The following SFI1 variants were observed in gnomAD, a reference collection of about 807,000 sequenced individuals.
The protein encoded by SFI1 is SFI1 centrin binding protein.
A neutral mutation model predicts 207.5 loss-of-function variants in SFI1; 195 were observed. That is an observed-to-expected ratio of 0.94 (90% CI 0.84 to 1.06). The LOEUF (loss-of-function observed/expected upper bound fraction) is 1.06, where lower values mean the gene tolerates loss of function less well. SFI1 is among the 50% of genes least tolerant of loss of function. The pLI is 0.00. For missense variants in SFI1, 1,634 were observed against 1,588.0 expected (o/e 1.03, Z -0.49); for synonymous variants, 630 against 598.9 (o/e 1.05, Z -0.76).
intron 4 of SFI1, among the ~76,000 whole-genome samples, chr22:31,537,856 C>G (rs1216338948): frequency 6.6e-6 from 1 of 152,056 alleles, no homozygotes; most frequent in Non-Finnish European, 1.5e-5. Flanking sequence ...TAGGCTTTTT[C>G]CATACTGAGT....
intron 2 of SFI1, among the ~76,000 whole-genome samples, chr22:31,517,798 T>C (rs1221831722): frequency 1.3e-5 from 2 of 152,186 alleles, no homozygotes; most frequent in African/African-American, 4.8e-5. Context: ...CTTCGGTCAA[T>C]TTGTTTCTGC....
intron 7 of SFI1, among the ~76,000 whole-genome samples, chr22:31,557,587 G>T (rs2061293573): frequency 6.6e-6 from 1 of 152,154 alleles, no homozygotes; most frequent in Admixed American, 6.6e-5. Context: ...TAATTAACAT[G>T]AATTGAGTGC....
intron 19 of SFI1, 104 bp downstream of exon 19, chr22:31,604,508 C>A: frequency 9.8e-7 from 1 of 1,016,986 alleles, no homozygotes; most frequent in Non-Finnish European, 1.4e-6. Context: ...AGAACAGAGT[C>A]ACGTGACACA....
intron 14 of SFI1, among the ~76,000 whole-genome samples, chr22:31,585,977 GAATCTTTAGATTCACCTGTT>G (rs2146291086): frequency 6.6e-6 from 1 of 152,112 alleles, no homozygotes; most frequent in Admixed American, 6.6e-5. Context: ...TCTAACAGGT[GAATCTTTAGATTCACCTGTT>G]AGCTAGTTCC....
intron 15 of SFI1, among the ~76,000 whole-genome samples, chr22:31,590,064 A>G (rs2065633524): frequency 1.3e-5 from 2 of 151,870 alleles, no homozygotes; most frequent in South Asian, 4.2e-4. Context: ...GGAGAAGATG[A>G]GATGAGATCT....
intron 2 of SFI1, among the ~76,000 whole-genome samples, chr22:31,518,447 A>G (rs1183185648): frequency 6.6e-6 from 1 of 152,302 alleles, no homozygotes; most frequent in African/African-American, 2.4e-5. Flanking sequence ...AAAATAGTAT[A>G]TAAATATATA....
chr22:31,506,245 C>T (rs2054617312), intron 1 of SFI1, among the ~76,000 whole-genome samples: 2 of 151,860 alleles, frequency 1.3e-5, no homozygotes, highest in Non-Finnish European at 2.9e-5. Flanking sequence ...ATGGAGTTTT[C>T]CCATGTTGGG....
At chr22:31,565,084 A>C (rs1372652397) in intron 8 of SFI1, among the ~76,000 whole-genome samples, 1 of 151,294 alleles carries the variant, frequency 6.6e-6, no homozygotes, top group Non-Finnish European at 1.5e-5. Flanking sequence ...TGGCTTCCCA[A>C]AGTGCTGGGA....
At position 31,613,452 on chromosome 22, in the gene SFI1, G is replaced by T. The variant is rs762435636; in HGVS notation, c.2664G>T (p.Glu888Asp). 2.5e-6 allele frequency: 4 copies of T among 1,606,832 alleles called. No individual in the cohort carries two copies. In the African/African-American group the frequency reaches 5.3e-5, roughly 21 times the overall value. Residue 888 changes from glutamate (E) to aspartate (D), a missense_variant, in exon 26 of 33, where the codon GAG (glutamate) becomes GAT (aspartate). Glu to Asp is a conservative substitution (Grantham distance 45). Transcript: ENST00000400288. ...CCTACCAGGGGCAGCTCCTCCAGGA[G>T]GGTGCCACGCGGCTCCTGCGCTTTG... is the stretch of plus-strand genomic sequence containing the variant. ...LQAYQGQLLQ[E>D]GATRLLRFAA...
intron 6 of SFI1, among the ~76,000 whole-genome samples, chr22:31,555,956 A>T (rs763551971): frequency 2.6e-5 from 4 of 152,140 alleles, no homozygotes; most frequent in Non-Finnish European, 5.9e-5. Context: ...ATATAATTTT[A>T]TTTTCTCCTT....
At chr22:31,600,249 A>T (rs1302007144) in intron 15 of SFI1, among the ~76,000 whole-genome samples, 1 of 152,214 alleles carries the variant, frequency 6.6e-6, no homozygotes, top group Non-Finnish European at 1.5e-5. Context: ...AGAAGAAAAA[A>T]ATTCAGCCTC....
At chr22:31,527,842 AG>A (rs906944974) in intron 2 of SFI1, among the ~76,000 whole-genome samples, 66 of 152,148 alleles carry the variant, frequency 4.3e-4, no homozygotes, top group Admixed American at 1.3e-3. Flanking sequence ...GGCCGGGAAC[AG>A]TGGCTCAAGC....
chr22:31,584,629 T>C (rs111443960), intron 13 of SFI1, among the ~76,000 whole-genome samples: 8 of 152,182 alleles, frequency 5.3e-5, no homozygotes, highest in Admixed American at 4.6e-4. Context: ...AAGCATTTTT[T>C]AATGAGTTAG....
intron 12 of SFI1, among the ~76,000 whole-genome samples, chr22:31,582,236 A>ATATATGTT (rs1487021004): frequency 9.9e-5 from 1 of 10,140 alleles, no homozygotes; most frequent in African/African-American, 3.5e-4. Flanking sequence ...ATATATATAT[A>ATATATGTT]TTTTTTTTTT....
chr22:31,618,491 T>A lies in SFI1; in HGVS notation c.*73T>A. 7.4e-7 allele frequency: 1 copy of A among 1,348,204 alleles called. No homozygotes were observed. The highest frequency in any genetic ancestry group is 9.7e-7 in the Non-Finnish European group (1 of 1,030,216). 83.5% of individuals were successfully genotyped at this position (1,348,204 alleles called of 1,614,324 possible). A position where few individuals can be genotyped will look rare whatever the true frequency, so the allele number is the denominator to read the frequency against. On this transcript the variant is annotated 3_prime_UTR_variant, in exon 33 of 33. Transcript: ENST00000400288. Reference sequence around the variant, plus strand: ...GGCCACCTCCAGGAACAGAACACAGTTTTAAGTTTGATTTTTTTTATTTCA... The same window carrying A: ...GGCCACCTCCAGGAACAGAACACAGATTTAAGTTTGATTTTTTTTATTTCA...
intron 12 of SFI1, among the ~76,000 whole-genome samples, chr22:31,582,310 A>G (rs2064430783): frequency 8.0e-6 from 1 of 125,288 alleles, no homozygotes; most frequent in Non-Finnish European, 1.6e-5. Flanking sequence ...TGCAGTAAGT[A>G]GCTTGATCTC....
chr22:31,554,623 CAGATGG>C (rs2060986177), intron 6 of SFI1, among the ~76,000 whole-genome samples: 1 of 111,318 alleles, frequency 9.0e-6, no homozygotes, highest in Non-Finnish European at 1.8e-5. Flanking sequence ...TTTTTTTTTT[CAGATGG>C]AGCCTCACTT....
intron 15 of SFI1, among the ~76,000 whole-genome samples, chr22:31,594,016 G>GGC (rs1233744961): frequency 2.0e-5 from 3 of 147,440 alleles, no homozygotes; most frequent in Non-Finnish European, 3.0e-5. Context: ...CAGGGAGAGG[G>GGC]AGAGGGAGAG....
At chr22:31,542,560 G>A (rs904990870) in intron 4 of SFI1, among the ~76,000 whole-genome samples, 3 of 152,040 alleles carry the variant, frequency 2.0e-5, no homozygotes, top group Non-Finnish European at 4.4e-5. Flanking sequence ...CCCGGGAGGC[G>A]GAGGTTGCAG....
Sources: allele counts gnomAD v4.1 joint callset (sites outside exome capture counted in the v4.1 genomes callset), GRCh38; gene constraint gnomAD v4.1.1; transcripts MANE v1.5; gene names NCBI Gene and HGNC (gene_info 2026-07-23, HGNC 2026-07-21).